PIBF1: variants seen among roughly 807,000 people sequenced by gnomAD.
The protein encoded by PIBF1 is progesterone immunomodulatory binding factor 1, also known as progesterone-induced-blocking factor 1.
A neutral mutation model predicts 112.5 loss-of-function variants in PIBF1; 90 were observed. The observed-to-expected ratio is 0.80, with a 90% confidence interval of 0.67 to 0.95. The LOEUF (loss-of-function observed/expected upper bound fraction) is 0.95. PIBF1 is among the 40% of genes least tolerant of loss of function. PIBF1 has a pLI of 0.00. For synonymous variants in PIBF1, 301 were observed against 288.6 expected, an observed-to-expected ratio of 1.04 and a Z score of -0.44; for missense variants, 915 against 852.3, an observed-to-expected ratio of 1.07 and a Z score of -0.92.
intron 12 of PIBF1, among the ~76,000 whole-genome samples, chr13:72,910,587 G>A (rs985433974): frequency 1.3e-5 from 2 of 151,910 alleles, no homozygotes; most frequent in Non-Finnish European, 2.9e-5. Flanking sequence ...AGTAAAACAG[G>A]GTTTCCTATT....
At chr13:72,783,745 G>A (rs755037057) in intron 2 of PIBF1, 24 bp downstream of exon 2, 1 of 1,605,074 alleles carries the variant, frequency 6.2e-7, no homozygotes, top group Non-Finnish European at 8.5e-7. Flanking sequence ...TAAATTTTGT[G>A]TTCTATATGC....
At chr13:72,989,037 C>CA (rs1041614978) in intron 16 of PIBF1, among the ~76,000 whole-genome samples, 2 of 150,400 alleles carry the variant, frequency 1.3e-5, no homozygotes, top group African/African-American at 4.9e-5. Context: ...GTCTCCATCT[C>CA]AAAAAAAAGA....
intron 9 of PIBF1, among the ~76,000 whole-genome samples, chr13:72,850,251 T>A (rs1035648655): frequency 6.6e-6 from 1 of 152,194 alleles, no homozygotes; most frequent in Non-Finnish European, 1.5e-5. Flanking sequence ...CCCAGTTCAT[T>A]TCTGTTTTCT....
chr13:72,973,833 T>G, intron 16 of PIBF1, 158 bp downstream of exon 16: 1 of 545,980 alleles, frequency 1.8e-6, no homozygotes, highest in Non-Finnish European at 3.2e-6. Context: ...ACTTTTGATA[T>G]ACTTCTTAGA....
At chr13:72,866,018 G>T (rs1482736231) in intron 10 of PIBF1, among the ~76,000 whole-genome samples, 2 of 152,134 alleles carry the variant, frequency 1.3e-5, no homozygotes, top group Non-Finnish European at 2.9e-5. Context: ...GTCTCCTAAG[G>T]CTCTAGGGGT....
intron 5 of PIBF1, among the ~76,000 whole-genome samples, chr13:72,811,389 G>A (rs1282648861): frequency 3.3e-5 from 5 of 152,152 alleles, no homozygotes; most frequent in Middle Eastern, 3.4e-3. Context: ...GATCACCTGA[G>A]GTCAGGAGTT....
At chr13:72,851,737 C>T (rs1226805121) in intron 9 of PIBF1, among the ~76,000 whole-genome samples, 1 of 152,228 alleles carries the variant, frequency 6.6e-6, no homozygotes, top group Admixed American at 6.5e-5. Context: ...CTGGCCCACC[C>T]ATTGCCACCT....
At chr13:72,997,773 G>A (rs573893105) in intron 16 of PIBF1, among the ~76,000 whole-genome samples, 1 of 152,254 alleles carries the variant, frequency 6.6e-6, no homozygotes, top group Admixed American at 6.5e-5. Flanking sequence ...CTGTTACATA[G>A]CCTACCACTG....
At chr13:72,803,584 C>T (rs1023843522) in intron 5 of PIBF1, among the ~76,000 whole-genome samples, 1 of 152,076 alleles carries the variant, frequency 6.6e-6, no homozygotes, top group African/African-American at 2.4e-5. Flanking sequence ...GTGGGACTTT[C>T]TTAATATCTA....
At chr13:72,849,502 GT>G (rs1329064160) in intron 9 of PIBF1, among the ~76,000 whole-genome samples, 12 of 152,248 alleles carry the variant, frequency 7.9e-5, no homozygotes, top group African/African-American at 2.9e-4. Flanking sequence ...TTATATGAAA[GT>G]TATTGTCTTA....
chr13:72,860,311 GTGTGTGTGTGTGT>G lies in PIBF1; in HGVS notation c.1322+6157_1322+6169del, dbSNP rs2038635838. Among the ~76,000 whole-genome samples, 6 of 19,834 alleles carry G rather than the reference GTGTGTGTGTGTGT, an allele frequency of 3.0e-4. No individual in the cohort carries two copies. The South Asian group carries it at 5.6e-3, about 19-fold the overall frequency. 13.0% of individuals were successfully genotyped at this position (19,834 alleles called of 152,430 possible). ...GCTTTCCCTGTGTTTTTTTAGGGGT[GTGTGTGTGTGTGT>G]GTGTGTGTGTGTGTGTGTGTGTGTG... On this transcript the variant is annotated intron_variant, in intron 10 of 17. Coordinates refer to ENST00000326291, the MANE Select transcript of PIBF1 (RefSeq NM_006346.4).
chr13:72,995,188 G>A (rs1052057089), intron 16 of PIBF1, among the ~76,000 whole-genome samples: 4 of 151,520 alleles, frequency 2.6e-5, no homozygotes, highest in Admixed American at 1.3e-4. Context: ...TGTAATCCCA[G>A]CTACTTGGGA....
intron 9 of PIBF1, among the ~76,000 whole-genome samples, chr13:72,837,697 CTA>C (rs1338089261): frequency 3.9e-5 from 6 of 152,102 alleles, no homozygotes; most frequent in African/African-American, 1.4e-4. Context: ...CTTTTATTAT[CTA>C]TGTTTCCAGT....
intron 2 of PIBF1, among the ~76,000 whole-genome samples, chr13:72,790,681 AGAGTATTTAG>A (rs997833217): frequency 2.3e-4 from 35 of 152,162 alleles, no homozygotes; most frequent in Non-Finnish European, 2.6e-4. Flanking sequence ...AGAAAGCTTA[AGAGTATTTAG>A]TGAGTTAAGA....
intron 14 of PIBF1, among the ~76,000 whole-genome samples, chr13:72,931,894 A>G (rs1312430707): frequency 9.6e-5 from 14 of 145,574 alleles, no homozygotes; most frequent in Admixed American, 8.9e-4. Flanking sequence ...AATATTCCTG[A>G]GTGTCAACAT....
At chr13:72,860,259 A>G (rs912653560) in intron 10 of PIBF1, among the ~76,000 whole-genome samples, 11 of 151,480 alleles carry the variant, frequency 7.3e-5, no homozygotes, top group African/African-American at 2.4e-4. Flanking sequence ...AATTTTGAGG[A>G]TATTATTTAA....
rs976727106 is a variant in PIBF1 at position 72,797,677 on chromosome 13, G to A, written c.553-230G>A. ...AGTAGTAATGGAGTGTCAGTAGAAGGGAGGAAATACTGTCAAAGGTAAGAG... is the reference window on the plus strand; with the variant it reads ...AGTAGTAATGGAGTGTCAGTAGAAGAGAGGAAATACTGTCAAAGGTAAGAG... On this transcript the variant is annotated intron_variant, in intron 4 of 17. Coordinates refer to ENST00000326291, the MANE Select transcript of PIBF1 (RefSeq NM_006346.4). 5.3e-5 allele frequency among the ~76,000 whole-genome samples: 8 copies of A among 152,130 alleles called. 1 individual carries two copies. Among genetic ancestry groups the A allele is most frequent in the Admixed American group, 2.6e-4 (4 of 15,264 alleles).
intron 5 of PIBF1, among the ~76,000 whole-genome samples, chr13:72,821,330 A>G (rs904239228): frequency 2.6e-5 from 4 of 152,312 alleles, no homozygotes; most frequent in East Asian, 3.9e-4. Flanking sequence ...AGAGGGAAGA[A>G]CAATGTAAAG....
chr13:72,982,888 A>G (rs2043187790), intron 16 of PIBF1, among the ~76,000 whole-genome samples: 1 of 152,210 alleles, frequency 6.6e-6, no homozygotes, highest in Admixed American at 6.5e-5. Context: ...GATACATACT[A>G]CTGAAAGTAG....
Sources: gnomAD v4.1 joint callset for allele counts (sites outside exome capture counted in the v4.1 genomes callset) on GRCh38, gnomAD v4.1.1 for gene constraint, MANE v1.5 for transcripts, NCBI Gene and HGNC (gene_info 2026-07-23, HGNC 2026-07-21) for gene names.